Variants in NPAS3 observed in about 807,000 individuals in gnomAD.
NPAS3 encodes neuronal PAS domain-containing protein 3.
A neutral mutation model predicts 73.1 loss-of-function variants in NPAS3; 14 were observed. The observed-to-expected ratio is 0.19, with a 90% CI of 0.13 to 0.30. NPAS3 has a LOEUF of 0.30. Ranked by LOEUF, NPAS3 falls within the 10% of genes least tolerant of loss-of-function variation. The pLI is 1.00. For synonymous variants in NPAS3, 620 were observed against 541.5 expected (o/e 1.14, Z -2.01); for missense variants, 1,096 against 1,250.0 (o/e 0.88, Z 1.86).
intron 5 of NPAS3, among the ~76,000 whole-genome samples, chr14:33,644,512 GCATAAGTCA>G (rs1253002875): frequency 6.6e-6 from 1 of 152,126 alleles, no homozygotes; most frequent in African/African-American, 2.4e-5. Context: ...CTTATCCTCA[GCATAAGTCA>G]CATATCTGTT....
chr14:33,201,272 A>G (rs1479863525), intron 2 of NPAS3, among the ~76,000 whole-genome samples: 1 of 148,186 alleles, frequency 6.7e-6, no homozygotes, highest in Non-Finnish European at 1.5e-5. Context: ...TGTATATAAA[A>G]TTCACTCCCC....
intron 6 of NPAS3, among the ~76,000 whole-genome samples, chr14:33,718,389 G>C (rs924197275): frequency 6.6e-6 from 1 of 151,560 alleles, no homozygotes; most frequent in Non-Finnish European, 1.5e-5. Context: ...ATTTTCTCAT[G>C]TTCACATTTA....
At chr14:33,271,566 G>A (rs2041085174) in intron 3 of NPAS3, among the ~76,000 whole-genome samples, 1 of 152,048 alleles carries the variant, frequency 6.6e-6, no homozygotes, top group African/African-American at 2.4e-5. Context: ...CAACAGCCTT[G>A]TAGATAACAT....
At chr14:33,217,955 G>A (rs2047285663) in intron 3 of NPAS3, among the ~76,000 whole-genome samples, 2 of 152,088 alleles carry the variant, frequency 1.3e-5, no homozygotes, top group Admixed American at 1.3e-4. Flanking sequence ...AGACGTTTTA[G>A]GTGAGAATTT....
chr14:33,205,837 G>T (rs915586380), intron 2 of NPAS3, among the ~76,000 whole-genome samples: 2 of 152,242 alleles, frequency 1.3e-5, no homozygotes, highest in Admixed American at 6.5e-5. Flanking sequence ...GTTATATCAA[G>T]CTGGAAAGTC....
chr14:33,287,711 T>G (rs1269698119), intron 3 of NPAS3, among the ~76,000 whole-genome samples: 2 of 152,100 alleles, frequency 1.3e-5, no homozygotes, highest in Non-Finnish European at 2.9e-5. Context: ...CTGTCACAGT[T>G]TGGAGAAGGG....
chr14:32,975,417 C>T (rs1034271600), intron 1 of NPAS3, among the ~76,000 whole-genome samples: 4 of 150,530 alleles, frequency 2.7e-5, no homozygotes, highest in African/African-American at 7.3e-5. Flanking sequence ...AACTTCTGGA[C>T]TCAAGCAGTC....
intron 4 of NPAS3, among the ~76,000 whole-genome samples, chr14:33,478,727 A>T (rs535641993): frequency 6.6e-6 from 1 of 152,204 alleles, no homozygotes; most frequent in African/African-American, 2.4e-5. Context: ...CTCATGAACT[A>T]AAACTTAAAC....
chr14:33,134,807 T>G (rs2224991), intron 2 of NPAS3, among the ~76,000 whole-genome samples: 1 of 152,044 alleles, frequency 6.6e-6, no homozygotes, highest in African/African-American at 2.4e-5. Context: ...GTTAGATCTT[T>G]ATATGGATAA....
At chr14:33,638,957 G>T (rs181153041) in intron 5 of NPAS3, among the ~76,000 whole-genome samples, 1 of 152,176 alleles carries the variant, frequency 6.6e-6, no homozygotes, top group Non-Finnish European at 1.5e-5. Flanking sequence ...AAATTCCTTA[G>T]AAGTTATTTG....
chr14:33,658,810 A>T (rs1392498059), intron 5 of NPAS3, among the ~76,000 whole-genome samples: 2 of 152,152 alleles, frequency 1.3e-5, no homozygotes, highest in East Asian at 1.9e-4. Flanking sequence ...CCCCACTAAT[A>T]GTGTATTAAT....
chr14:33,599,278 CAAG>C (rs1428415622), intron 5 of NPAS3, among the ~76,000 whole-genome samples: 1 of 152,104 alleles, frequency 6.6e-6, no homozygotes, highest in Non-Finnish European at 1.5e-5. Flanking sequence ...TATAATCAGA[CAAG>C]AAGAACAGAT....
chr14:33,185,516 C>T (rs970382972), intron 2 of NPAS3, among the ~76,000 whole-genome samples: 2 of 152,142 alleles, frequency 1.3e-5, no homozygotes, highest in Admixed American at 6.5e-5. Flanking sequence ...TATTTATATT[C>T]AGTTTGGAGT....
chr14:33,228,721 A>G (rs8018494), intron 3 of NPAS3, among the ~76,000 whole-genome samples: 117,541 of 151,534 alleles, frequency 0.78, 45,810 homozygotes, highest in South Asian at 0.9. Flanking sequence ...ATAAGCCACT[A>G]GGAGGGAGTG....
At chr14:33,085,988 G>C (rs2042012687) in intron 2 of NPAS3, among the ~76,000 whole-genome samples, 2 of 152,056 alleles carry the variant, frequency 1.3e-5, no homozygotes, top group South Asian at 4.1e-4. Context: ...GGAGTAGAAG[G>C]CATATTGTCT....
chr14:33,013,254 G>A (rs2039276171), intron 1 of NPAS3, among the ~76,000 whole-genome samples: 1 of 152,118 alleles, frequency 6.6e-6, no homozygotes, highest in Admixed American at 6.5e-5. Flanking sequence ...CCTAGAGGTT[G>A]TCTTGTCTAT....
At chr14:33,456,652 A>G (rs191317514) in intron 4 of NPAS3, among the ~76,000 whole-genome samples, 32 of 152,294 alleles carry the variant, frequency 2.1e-4, no homozygotes, top group Non-Finnish European at 3.4e-4. Context: ...CATATATTAG[A>G]CAGCCTGAGA....
chr14:33,677,664 A>G (rs1009880619), intron 6 of NPAS3, among the ~76,000 whole-genome samples: 1 of 152,114 alleles, frequency 6.6e-6, no homozygotes, highest in Non-Finnish European at 1.5e-5. Flanking sequence ...GTATTTTAAG[A>G]ACCAATCCAT....
intron 3 of NPAS3, among the ~76,000 whole-genome samples, chr14:33,355,370 G>A (rs866235713): frequency 9.9e-5 from 15 of 152,030 alleles, no homozygotes; most frequent in African/African-American, 3.4e-4. Context: ...GCGAGATCTC[G>A]GCTCACTGCA....
Sources: gnomAD v4.1 joint callset for allele counts (sites outside exome capture counted in the v4.1 genomes callset) on GRCh38, gnomAD v4.1.1 for gene constraint, MANE v1.5 for transcripts, NCBI Gene and HGNC (gene_info 2026-07-23, HGNC 2026-07-21) for gene names.